Variants in ABAT observed in about 807,000 individuals in gnomAD.
ABAT encodes the protein 4-aminobutyrate aminotransferase, mitochondrial.
A neutral mutation model predicts 64.6 loss-of-function variants in ABAT; 45 were observed. That is an observed-to-expected ratio of 0.70 (90% CI 0.55 to 0.89). The LOEUF (loss-of-function observed/expected upper bound fraction) is 0.89, where lower values mean the gene tolerates loss of function less well. Among genes scored for constraint, ABAT ranks in the 40% least tolerant of loss-of-function variants. The probability of loss-of-function intolerance (pLI) is 0.00; values close to 1 mark genes in which losing one functional copy is unlikely to be tolerated. For missense variants in ABAT, 633 were observed against 658.4 expected (o/e 0.96, Z 0.42); for synonymous variants, 297 against 250.5 (o/e 1.19, Z -1.75).
intron 1 of ABAT, among the ~76,000 whole-genome samples, chr16:8,709,257 T>C (rs2058017376): frequency 6.6e-6 from 1 of 152,142 alleles, no homozygotes; most frequent in Non-Finnish European, 1.5e-5. Flanking sequence ...ACTTTTGCCT[T>C]TTTCCATGTG....
intron 1 of ABAT, among the ~76,000 whole-genome samples, chr16:8,716,335 G>T (rs575533087): frequency 2.0e-5 from 3 of 152,168 alleles, no homozygotes; most frequent in South Asian, 4.2e-4. Flanking sequence ...ATATCAGAAG[G>T]TTGTTCTGAT....
chr16:8,680,835 A>G (rs567240548), intron 1 of ABAT, among the ~76,000 whole-genome samples: 1 of 152,052 alleles, frequency 6.6e-6, no homozygotes, highest in African/African-American at 2.4e-5. Context: ...TGAGCATCTT[A>G]TGTGTTTGTT....
intron 2 of ABAT, among the ~76,000 whole-genome samples, chr16:8,740,995 G>GT: frequency 6.6e-6 from 1 of 152,316 alleles, no homozygotes; most frequent in South Asian, 2.1e-4. Flanking sequence ...CACGACATTC[G>GT]TTTATCACTC....
Position 8,764,631 on chromosome 16 carries a change from C to G in ABAT, c.448-107C>G. 1 of 1,072,220 alleles carries G rather than the reference C, an allele frequency of 9.3e-7. No homozygotes were observed. The highest frequency in any genetic ancestry group is 1.4e-6 in the Non-Finnish European group (1 of 699,926). The allele number at this position is 1,072,220 out of a possible 1,614,324, so 66.4% of individuals were successfully genotyped here. On this transcript the variant is annotated intron_variant, in intron 7 of 15. Transcript: ENST00000268251. This position sits in a 1 kb window ranked among gnomAD's most constrained non-coding sequence, Gnocchi z 4.2. ...GACACCTTCCAGGACAGCCCTGGTT[C>G]TGTCTGTCCCCGGTACGGCCCCTGC...
chr16:8,733,666 C>A (rs564050819), intron 1 of ABAT, among the ~76,000 whole-genome samples: 4 of 151,858 alleles, frequency 2.6e-5, no homozygotes, highest in African/African-American at 7.3e-5. Flanking sequence ...CCCGTCTCCA[C>A]CAAAACCAGT....
chr16:8,682,135 G>A (rs149779229), intron 1 of ABAT, among the ~76,000 whole-genome samples: 129 of 151,468 alleles, frequency 8.5e-4, no homozygotes, highest in African/African-American at 2.9e-3. Flanking sequence ...TAGAGGCTAA[G>A]ACAGCCGTGT....
At chr16:8,746,584 T>C (rs983144002) in intron 3 of ABAT, among the ~76,000 whole-genome samples, 1 of 150,450 alleles carries the variant, frequency 6.6e-6, no homozygotes, top group Non-Finnish European at 1.5e-5. Flanking sequence ...TTTCACTATG[T>C]TGGCCAGGCT....
chr16:8,694,126 T>C (rs1339940031), intron 1 of ABAT, among the ~76,000 whole-genome samples: 1 of 151,580 alleles, frequency 6.6e-6, no homozygotes, highest in Admixed American at 6.6e-5. Context: ...GCCTCCCAGG[T>C]TCACGCCATT....
At chr16:8,754,179 T>A (rs1489537278) in intron 5 of ABAT, among the ~76,000 whole-genome samples, 20 of 63,838 alleles carry the variant, frequency 3.1e-4, no homozygotes, top group Admixed American at 8.0e-4. Context: ...ACCCTGTCTA[T>A]AAAAAAAAAA....
chr16:8,693,120 G>T (rs995025085), intron 1 of ABAT, among the ~76,000 whole-genome samples: 4 of 152,200 alleles, frequency 2.6e-5, no homozygotes, highest in Non-Finnish European at 5.9e-5. Context: ...CTCCCAAAGT[G>T]TTGGGATTAC....
Position 8,738,503 on chromosome 16 carries a change from C to T in ABAT, c.70+2694C>T, listed in dbSNP as rs1387173152. 3 of 454,582 alleles carry T rather than the reference C, an allele frequency of 6.6e-6. No individual in the cohort carries two copies. In the Admixed American group the frequency reaches 7.1e-5, roughly 11 times the overall value. 28.2% of individuals were successfully genotyped at this position (454,582 alleles called of 1,614,324 possible). A position where few individuals can be genotyped will look rare whatever the true frequency, so the allele number is the denominator to read the frequency against. ...CTCATCTTCCATGGCCTCCTCTGGT[C>T]TGTGACAGTTTCTCAGTCTTTTCCT... On this transcript the variant is annotated intron_variant, in intron 2 of 15. Coordinates refer to ENST00000268251, the MANE Select transcript of ABAT (RefSeq NM_020686.6).
At position 8,759,343 on chromosome 16, in the gene ABAT, G is replaced by A. The variant is rs138592002; in HGVS notation, c.366+1537G>A. Among the ~76,000 whole-genome samples the A allele has an allele frequency of 1.2e-3, 184 of 150,498 alleles. 2 individuals carry two copies. Among genetic ancestry groups the A allele is most frequent in the East Asian group, 4.5e-3 (23 of 5,112 alleles). ...GTATCTGTGTGTTGTATTTATGTCC[G>A]TGCTTTACATGGAACAGAGTAAAAA... On this transcript the variant is annotated intron_variant, in intron 6 of 15. Transcript: ENST00000268251.
At chr16:8,700,430 A>G (rs1427502313) in intron 1 of ABAT, among the ~76,000 whole-genome samples, 1 of 152,136 alleles carries the variant, frequency 6.6e-6, no homozygotes, top group Non-Finnish European at 1.5e-5. Flanking sequence ...CAAGATCTAG[A>G]CCGTCCCCAG....
chr16:8,784,052 A>C lies in ABAT; in HGVS notation c.*2622A>C, dbSNP rs538997177. ...GCAGAGCTCAAGATTGTAGAAACTC[A>C]GCAGAAGCTGGTAAAAACATGGGGA... is the stretch of plus-strand genomic sequence containing the variant. On this transcript the variant is annotated 3_prime_UTR_variant, in exon 16 of 16. Coordinates refer to ENST00000268251, the MANE Select transcript of ABAT (RefSeq NM_020686.6). 1 of 152,530 alleles carries C rather than the reference A, an allele frequency of 6.6e-6. No individual in the cohort carries two copies. The highest frequency in any genetic ancestry group is 2.1e-4 in the South Asian group (1 of 4,826). The allele number at this position is 152,530 out of a possible 1,614,324, so 9.4% of individuals were successfully genotyped here. A position where few individuals can be genotyped will look rare whatever the true frequency, so the allele number is the denominator to read the frequency against.
chr16:8,754,662 A>ATTTTCTTTCTTTC (rs779413223), intron 5 of ABAT, among the ~76,000 whole-genome samples: 2 of 145,974 alleles, frequency 1.4e-5, no homozygotes, highest in African/African-American at 2.6e-5. Flanking sequence ...CAGCAAGTTG[A>ATTTTCTTTCTTTC]TTTATTTATT....
intron 3 of ABAT, 130 bp from the exon 4 acceptor site, chr16:8,747,978 G>T: frequency 1.2e-6 from 1 of 813,392 alleles, no homozygotes; most frequent in Non-Finnish European, 2.0e-6. Context: ...AAGTAATATG[G>T]TTGACTAATA....
chr16:8,707,720 C>T (rs560051231), intron 1 of ABAT, among the ~76,000 whole-genome samples: 1 of 152,160 alleles, frequency 6.6e-6, no homozygotes, highest in Non-Finnish European at 1.5e-5. Flanking sequence ...TGCATCCTAG[C>T]CAGGAATTAG....
chr16:8,716,862 G>A (rs7190843), intron 1 of ABAT, among the ~76,000 whole-genome samples: 1,633 of 152,294 alleles, frequency 0.011, 27 homozygotes, highest in African/African-American at 0.037. Flanking sequence ...TACAGTAGCC[G>A]TTCATCACAT....
intron 1 of ABAT, among the ~76,000 whole-genome samples, chr16:8,681,115 G>A (rs2057322730): frequency 6.6e-6 from 1 of 151,294 alleles, no homozygotes; most frequent in Non-Finnish European, 1.5e-5. Context: ...CCAAGTAACT[G>A]GCACAACAGG....
Sources: gnomAD v4.1 joint callset for allele counts (sites outside exome capture counted in the v4.1 genomes callset) on GRCh38, gnomAD v4.1.1 for gene constraint, Gnocchi (gnomAD v3.1) non-coding constraint, MANE v1.5 for transcripts, NCBI Gene and HGNC (gene_info 2026-07-23, HGNC 2026-07-21) for gene names.